AGBL1: variants seen among roughly 807,000 people sequenced by gnomAD.
The protein encoded by AGBL1 is AGBL carboxypeptidase 1, also known as cytosolic carboxypeptidase 4.
A neutral mutation model predicts 118.9 loss-of-function variants in AGBL1; 130 were observed. That is an observed-to-expected ratio of 1.09 (90% CI 0.95 to 1.26). The LOEUF (loss-of-function observed/expected upper bound fraction) is 1.26, where lower values mean the gene tolerates loss of function less well. Among genes scored for constraint, AGBL1 ranks in the 50% most tolerant of loss-of-function variants. The probability of loss-of-function intolerance (pLI) is 0.00; values close to 1 mark genes in which losing one functional copy is unlikely to be tolerated. For synonymous variants in AGBL1, 555 were observed against 478.9 expected, an observed-to-expected ratio of 1.16 and a Z score of -2.08; for missense variants, 1,584 against 1,298.1, an observed-to-expected ratio of 1.22 and a Z score of -3.38.
intron 5 of AGBL1, among the ~76,000 whole-genome samples, chr15:86,215,471 T>G (rs1178033650): frequency 6.6e-6 from 1 of 152,174 alleles, no homozygotes; most frequent in Non-Finnish European, 1.5e-5. Context: ...GCTCTAGGAT[T>G]AAATTCTAGG....
intron 21 of AGBL1, among the ~76,000 whole-genome samples, chr15:86,636,419 G>A (rs1383311060): frequency 4.0e-5 from 6 of 151,052 alleles, no homozygotes; most frequent in East Asian, 1.9e-4. Flanking sequence ...GAAACATTCC[G>A]ATTTAAAACA....
chr15:86,932,641 G>T (rs1305364878), intron 23 of AGBL1, among the ~76,000 whole-genome samples: 1 of 152,082 alleles, frequency 6.6e-6, no homozygotes, highest in Non-Finnish European at 1.5e-5. Flanking sequence ...GACAGGGGTT[G>T]GTCCTGAGTC....
chr15:86,506,254 G>GT (rs1258909464), intron 18 of AGBL1, among the ~76,000 whole-genome samples: 4 of 151,978 alleles, frequency 2.6e-5, no homozygotes, highest in Non-Finnish European at 5.9e-5. Context: ...ATAGCCCTGA[G>GT]TGTACATACA....
chr15:86,582,726 C>T (rs541061234), intron 21 of AGBL1, among the ~76,000 whole-genome samples: 1 of 152,118 alleles, frequency 6.6e-6, no homozygotes, highest in East Asian at 1.9e-4. Context: ...ATGGATGAAG[C>T]TGGAAACTAT....
chr15:86,486,220 T>C (rs2082711181), intron 18 of AGBL1, among the ~76,000 whole-genome samples: 1 of 152,156 alleles, frequency 6.6e-6, no homozygotes, highest in African/African-American at 2.4e-5. Flanking sequence ...TAAGGCTTCA[T>C]GATTCCTGAT....
intron 21 of AGBL1, among the ~76,000 whole-genome samples, chr15:86,569,884 T>A (rs1259827625): frequency 6.6e-6 from 1 of 152,168 alleles, no homozygotes; most frequent in Non-Finnish European, 1.5e-5. Context: ...TCAAAAGACC[T>A]ATGATCTTTT....
intron 17 of AGBL1, among the ~76,000 whole-genome samples, chr15:86,300,185 C>T (rs2079723772): frequency 6.6e-6 from 1 of 152,158 alleles, no homozygotes; most frequent in African/African-American, 2.4e-5. Context: ...ACAACCAGAA[C>T]ACACTACTTA....
intron 22 of AGBL1, among the ~76,000 whole-genome samples, chr15:86,851,352 C>A (rs968640249): frequency 6.6e-6 from 1 of 152,138 alleles, no homozygotes; most frequent in Non-Finnish European, 1.5e-5. Flanking sequence ...CTCTGCCCAC[C>A]TAACCCTGTA....
At chr15:86,334,591 A>G (rs1268884379) in intron 17 of AGBL1, among the ~76,000 whole-genome samples, 2 of 152,226 alleles carry the variant, frequency 1.3e-5, no homozygotes, top group Non-Finnish European at 2.9e-5. Flanking sequence ...GCCTAAAGCA[A>G]TCTATATTTT....
downstream of AGBL1, among the ~76,000 whole-genome samples, chr15:86,917,373 C>A (rs1193641302): frequency 6.6e-6 from 1 of 152,194 alleles, no homozygotes; most frequent in Non-Finnish European, 1.5e-5. This position sits in a 1 kb window ranked among gnomAD's most constrained non-coding sequence, Gnocchi z 4.8. Context: ...TCCTCCTAGG[C>A]TCTTTGCACA....
Position 86,264,545 on chromosome 15 carries a change from C to T in AGBL1, c.1374C>T (p.Asp458=), listed in dbSNP as rs369544801. 7 of 1,613,928 alleles carry T rather than the reference C, an allele frequency of 4.3e-6. No homozygotes were observed. In the African/African-American group the frequency reaches 5.3e-5, roughly 12 times the overall value. The change falls in exon 11 of 23, where the codon GAC becomes GAT. Residue 458 remains aspartate (D), a synonymous_variant. Transcript: ENST00000614907. ...ATTCTTCTGAAAGTGAAATCCCTGA[C>T]ATTCAGGCTTCCCCGAAAGCAGATG... ...RRDSSESEIP[D]IQASPKADAW...
chr15:86,801,788 C>T (rs1048831758), intron 22 of AGBL1, among the ~76,000 whole-genome samples: 2 of 151,992 alleles, frequency 1.3e-5, no homozygotes, highest in African/African-American at 4.8e-5. Flanking sequence ...TTGGAATGCC[C>T]TGGGAGAAAA....
At position 86,413,931 on chromosome 15, in the gene AGBL1, A is replaced by G. The variant is rs191734842; in HGVS notation, c.2555+16385A>G. On this transcript the variant is annotated intron_variant, in intron 18 of 22. Transcript: ENST00000614907. ...AGATGTGGAATCAACCTAACTGTCCATCAATGGATGATTGAATAAATAAAA... is the reference window on the plus strand; with the variant it reads ...AGATGTGGAATCAACCTAACTGTCCGTCAATGGATGATTGAATAAATAAAA... Among the ~76,000 whole-genome samples, 5 of 152,282 alleles carry G rather than the reference A, an allele frequency of 3.3e-5. No homozygotes were observed. The East Asian group carries it at 9.7e-4, about 29-fold the overall frequency.
intron 1 of AGBL1, among the ~76,000 whole-genome samples, chr15:86,100,268 G>A (rs1198525597): frequency 6.6e-6 from 1 of 152,046 alleles, no homozygotes; most frequent in Non-Finnish European, 1.5e-5. Context: ...CTGTTCTTCT[G>A]GAATGTTGGC....
chr15:86,153,275 T>C (rs997140072), intron 3 of AGBL1, among the ~76,000 whole-genome samples: 27 of 152,282 alleles, frequency 1.8e-4, no homozygotes, highest in Non-Finnish European at 1.8e-4. Flanking sequence ...TGTCCAACAA[T>C]GATAGACTGG....
chr15:86,189,239 G>T (rs770235250), intron 5 of AGBL1, among the ~76,000 whole-genome samples: 4 of 152,156 alleles, frequency 2.6e-5, no homozygotes, highest in Admixed American at 6.6e-5. Context: ...TTTTACATCT[G>T]GAGAACTTAT....
At chr15:86,364,958 C>CACACATACATATATATATATATATATAT (rs1474501613) in intron 17 of AGBL1, among the ~76,000 whole-genome samples, 1 of 76,138 alleles carries the variant, frequency 1.3e-5, no homozygotes, top group Admixed American at 1.7e-4. Context: ...ATATGTCACA[C>CACACATACATATATATATATATATATAT]ATATATATAT....
chr15:86,398,519 A>T (rs1282843622), intron 18 of AGBL1, among the ~76,000 whole-genome samples: 1 of 152,118 alleles, frequency 6.6e-6, no homozygotes, highest in Non-Finnish European at 1.5e-5. Context: ...AGTATCAAAG[A>T]AGCAAAAAAG....
intron 5 of AGBL1, among the ~76,000 whole-genome samples, chr15:86,182,300 T>C (rs79275183): frequency 0.012 from 1,877 of 152,130 alleles, 22 homozygotes; most frequent in East Asian, 0.057. Flanking sequence ...CTTCCCTTTC[T>C]CTTCTCTCCC....
Sources: gnomAD v4.1 joint callset for allele counts (sites outside exome capture counted in the v4.1 genomes callset) on GRCh38, gnomAD v4.1.1 for gene constraint, Gnocchi (gnomAD v3.1) non-coding constraint, MANE v1.5 for transcripts, NCBI Gene and HGNC (gene_info 2026-07-23, HGNC 2026-07-21) for gene names.